The following WDR44 variants were observed in gnomAD, a reference collection of about 807,000 sequenced individuals.
WDR44 encodes the protein WD repeat domain 44, also known as WD repeat-containing protein 44.
Under a neutral mutation model 65.7 loss-of-function variants are expected in WDR44, and 9 were observed. That is an observed-to-expected ratio of 0.14 (90% confidence interval 0.08 to 0.24). WDR44 has a LOEUF of 0.24. Ranked by LOEUF, WDR44 falls within the 10% of genes least tolerant of loss-of-function variation. WDR44 has a pLI of 1.00. For synonymous variants in WDR44, 220 were observed against 235.2 expected (o/e 0.94, Z 0.59); for missense variants, 425 against 670.9 (o/e 0.63, Z 4.05).
At chrX:118,424,339 A>ATATG (rs2057137749) in intron 12 of WDR44, among the ~76,000 whole-genome samples, 4 of 85,286 alleles carry the variant, frequency 4.7e-5, no homozygotes, top group African/African-American at 2.4e-4. Context: ...ATATATATAT[A>ATATG]TATATATATG....
At chrX:118,444,209 A>T in intron 18 of WDR44, 151 bp from the exon 19 acceptor site, 1 of 548,424 alleles carries the variant, frequency 1.8e-6, no homozygotes, top group Non-Finnish European at 2.7e-6. Flanking sequence ...CAGAACTTAT[A>T]TGTGATTTTT....
chrX:118,432,705 GAGAAC>G, intron 12 of WDR44, 71 bp from the exon 13 acceptor site: 1 of 912,650 alleles, frequency 1.1e-6, no homozygotes, highest in Non-Finnish European at 1.6e-6. Flanking sequence ...AAAATGCTGA[GAGAAC>G]AGATGGGGTG....
chrX:118,443,036 C>G (rs2057315923), intron 17 of WDR44, among the ~76,000 whole-genome samples: 1 of 111,118 alleles, frequency 9.0e-6, no homozygotes, highest in Non-Finnish European at 1.9e-5. Flanking sequence ...GCCCCATTGT[C>G]TTGAACCTTT....
chrX:118,420,283 G>T (rs753798900), intron 12 of WDR44, among the ~76,000 whole-genome samples: 2 of 110,435 alleles, frequency 1.8e-5, no homozygotes, highest in Non-Finnish European at 3.8e-5. Flanking sequence ...ACAGAGTCTC[G>T]CTCTGTCGCC....
At chrX:118,385,504 A>G (rs1298294268) in intron 2 of WDR44, among the ~76,000 whole-genome samples, 2 of 111,165 alleles carry the variant, frequency 1.8e-5, no homozygotes, top group African/African-American at 6.5e-5. Flanking sequence ...GGCCTATCAG[A>G]GGGTGAAGGG....
At chrX:118,416,078 C>A (rs779070921) in intron 12 of WDR44, among the ~76,000 whole-genome samples, 7 of 111,706 alleles carry the variant, frequency 6.3e-5, no homozygotes, top group African/African-American at 2.3e-4. Context: ...CTTTTATTTT[C>A]TTGGTTAATC....
At chrX:118,438,795 A>ATT (rs2057276055) in intron 14 of WDR44, among the ~76,000 whole-genome samples, 1 of 62,565 alleles carries the variant, frequency 1.6e-5, no homozygotes, top group African/African-American at 7.4e-5. Flanking sequence ...CTGTTCAGCC[A>ATT]TGTTTTTTTT....
At chrX:118,442,762 GT>G (rs1265240718) in intron 17 of WDR44, 82 bp downstream of exon 17, 1 of 736,505 alleles carries the variant, frequency 1.4e-6, no homozygotes, top group East Asian at 3.3e-5. Flanking sequence ...TATGCCTTAT[GT>G]TTAATGGGGT....
At chrX:118,348,286 T>C (rs1166075801) in intron 1 of WDR44, among the ~76,000 whole-genome samples, 1 of 112,129 alleles carries the variant, frequency 8.9e-6, no homozygotes, top group African/African-American at 3.2e-5. Context: ...ACAAAGCTTA[T>C]TTTGGGAGAT....
At chrX:118,394,565 C>CTT (rs149485055) in intron 5 of WDR44, among the ~76,000 whole-genome samples, 3 of 104,647 alleles carry the variant, frequency 2.9e-5, no homozygotes, top group South Asian at 4.2e-4. Context: ...GAATTGAAGA[C>CTT]TTTTTTTTTT....
intron 12 of WDR44, among the ~76,000 whole-genome samples, chrX:118,426,021 G>C (rs1472433986): frequency 8.9e-6 from 1 of 112,381 alleles, no homozygotes; most frequent in Non-Finnish European, 1.9e-5. Context: ...GTTGCAGTGA[G>C]CTGAGATGGT....
At chrX:118,403,319 G>A (rs1456179365) in intron 8 of WDR44, among the ~76,000 whole-genome samples, 1 of 111,650 alleles carries the variant, frequency 9.0e-6, no homozygotes, top group Admixed American at 9.6e-5. Context: ...AGAGCTGTTT[G>A]ATCTGAGACC....
chrX:118,428,446 A>C (rs2057178323), intron 12 of WDR44, among the ~76,000 whole-genome samples: 1 of 111,407 alleles, frequency 9.0e-6, no homozygotes, highest in Non-Finnish European at 1.9e-5. Context: ...GGCCCTATAA[A>C]TATTTATAGA....
chrX:118,368,193 T>C (rs1273644819), intron 1 of WDR44, among the ~76,000 whole-genome samples: 1 of 110,268 alleles, frequency 9.1e-6, no homozygotes, highest in Non-Finnish European at 1.9e-5. Flanking sequence ...AGTACTATTA[T>C]GTCAGAGTTT....
intron 12 of WDR44, among the ~76,000 whole-genome samples, chrX:118,428,881 A>G (rs2057182043): frequency 8.9e-6 from 1 of 112,253 alleles, no homozygotes; most frequent in Non-Finnish European, 1.9e-5. Context: ...CATACAAAGG[A>G]ATGAGAGCAT....
chrX:118,389,778 T>C (rs1423714676), intron 3 of WDR44, among the ~76,000 whole-genome samples: 2 of 108,200 alleles, frequency 1.8e-5, no homozygotes, highest in African/African-American at 6.7e-5. Flanking sequence ...AAGGCATTAC[T>C]GAAGGCATGG....
At chrX:118,377,645 T>C (rs1175543499) in intron 1 of WDR44, among the ~76,000 whole-genome samples, 1 of 110,331 alleles carries the variant, frequency 9.1e-6, no homozygotes, top group Non-Finnish European at 1.9e-5. Context: ...CAACTATATA[T>C]GTACATATGA....
intron 1 of WDR44, among the ~76,000 whole-genome samples, chrX:118,368,273 G>A (rs185885977): frequency 9.1e-6 from 1 of 109,562 alleles, no homozygotes; most frequent in African/African-American, 3.3e-5. Flanking sequence ...GGCAGTTATT[G>A]TCATCGCATC....
At chrX:118,431,894 T>G (rs866254563) in intron 12 of WDR44, among the ~76,000 whole-genome samples, 2 of 109,147 alleles carry the variant, frequency 1.8e-5, no homozygotes. Context: ...TTGTTGTGTG[T>G]TTTGTTTGTT....
Sources: allele counts gnomAD v4.1 joint callset (sites outside exome capture counted in the v4.1 genomes callset), GRCh38; gene constraint gnomAD v4.1.1; transcripts MANE v1.5; gene names NCBI Gene and HGNC (gene_info 2026-07-23, HGNC 2026-07-21).